ALK: variants seen among roughly 807,000 people sequenced by gnomAD.
ALK encodes the protein ALK tyrosine kinase receptor.
Under a neutral mutation model 163.1 loss-of-function variants are expected in ALK, and 74 were observed. The observed-to-expected ratio is 0.45, with a 90% CI of 0.38 to 0.55. The LOEUF (loss-of-function observed/expected upper bound fraction) is 0.55. Among genes scored for constraint, ALK ranks in the 20% least tolerant of loss-of-function variants. The pLI, the probability that ALK is intolerant of heterozygous loss-of-function variation, is 0.00. For synonymous variants in ALK, 960 were observed against 843.2 expected, an observed-to-expected ratio of 1.14 and a Z score of -2.40; for missense variants, 2,063 against 2,105.3, an observed-to-expected ratio of 0.98 and a Z score of 0.39.
intron 3 of ALK, among the ~76,000 whole-genome samples, chr2:29,617,099 G>A (rs905161207): frequency 5.3e-5 from 8 of 152,080 alleles, no homozygotes; most frequent in Admixed American, 3.9e-4. Flanking sequence ...AGCACCTTAG[G>A]TCCATGCTGG....
chr2:29,202,286 C>A (rs1057441467), intron 26 of ALK, among the ~76,000 whole-genome samples: 1 of 152,212 alleles, frequency 6.6e-6, no homozygotes, highest in Non-Finnish European at 1.5e-5. Flanking sequence ...CCCCCGCCCA[C>A]CTTTGCCAAA....
intron 3 of ALK, among the ~76,000 whole-genome samples, chr2:29,690,838 A>T (rs1678374778): frequency 6.6e-6 from 1 of 152,176 alleles, no homozygotes; most frequent in Non-Finnish European, 1.5e-5. Flanking sequence ...TTGCAATAGC[A>T]TCTAAATACT....
At chr2:29,910,804 T>C (rs1667680558) in intron 1 of ALK, among the ~76,000 whole-genome samples, 1 of 152,162 alleles carries the variant, frequency 6.6e-6, no homozygotes, top group African/African-American at 2.4e-5. Flanking sequence ...TGAGATAATT[T>C]AAATACAGAA....
At chr2:29,482,458 T>A (rs1671685329) in intron 4 of ALK, among the ~76,000 whole-genome samples, 1 of 152,004 alleles carries the variant, frequency 6.6e-6, no homozygotes, top group African/African-American at 2.4e-5. Context: ...GGAGGAGGTA[T>A]CAAATTAGGT....
intron 5 of ALK, among the ~76,000 whole-genome samples, chr2:29,357,659 A>G (rs1439237274): frequency 2.6e-5 from 4 of 152,186 alleles, no homozygotes; most frequent in Admixed American, 6.5e-5. Flanking sequence ...GTCCATTGGA[A>G]TATTCCTGGT....
intron 24 of ALK, among the ~76,000 whole-genome samples, chr2:29,212,766 G>A (rs998185515): frequency 6.6e-6 from 1 of 151,874 alleles, no homozygotes; most frequent in African/African-American, 2.4e-5. Context: ...GAGTGCAATG[G>A]CACGATCTCA....
intron 12 of ALK, among the ~76,000 whole-genome samples, chr2:29,243,791 AAAC>A (rs1664583713): frequency 1.3e-5 from 2 of 152,224 alleles, no homozygotes; most frequent in African/African-American, 2.4e-5. Context: ...GATGGTTGAG[AAAC>A]AACAAGAAAT....
chr2:29,493,435 T>G (rs1198217385), intron 4 of ALK, among the ~76,000 whole-genome samples: 1 of 152,176 alleles, frequency 6.6e-6, no homozygotes, highest in Non-Finnish European at 1.5e-5. Flanking sequence ...CATAACAGAA[T>G]GAGCTGTCTG....
chr2:29,858,381 G>A (rs1472756194), intron 1 of ALK, among the ~76,000 whole-genome samples: 4 of 152,046 alleles, frequency 2.6e-5, no homozygotes, highest in Non-Finnish European at 5.9e-5. Context: ...AGACACAAAA[G>A]TGGAACCACC....
intron 1 of ALK, among the ~76,000 whole-genome samples, chr2:29,892,972 A>T (rs1036381451): frequency 6.6e-6 from 1 of 152,080 alleles, no homozygotes; most frequent in South Asian, 2.1e-4. Flanking sequence ...AGCCTGGCCA[A>T]CCCAGCTTTA....
At chr2:29,539,141 C>T (rs1200445893) in intron 3 of ALK, among the ~76,000 whole-genome samples, 3 of 151,974 alleles carry the variant, frequency 2.0e-5, no homozygotes, top group African/African-American at 4.8e-5. Flanking sequence ...TAGGTTGATG[C>T]TAAGTGTGGA....
At chr2:29,751,556 T>C (rs892383470) in intron 1 of ALK, among the ~76,000 whole-genome samples, 1 of 152,172 alleles carries the variant, frequency 6.6e-6, no homozygotes, top group Non-Finnish European at 1.5e-5. Context: ...TCCCAAGTAA[T>C]AACTGCACTT....
chr2:29,366,465 C>A (rs1668510767), intron 5 of ALK, among the ~76,000 whole-genome samples: 1 of 151,964 alleles, frequency 6.6e-6, no homozygotes, highest in African/African-American at 2.4e-5. Context: ...CATAGGAGAG[C>A]TTTGAGGGTC....
rs1224008199 is a variant in ALK at position 29,411,954 on chromosome 2, G to A, written c.1155-28095C>T. Among the ~76,000 whole-genome samples, 6 of 152,222 alleles carry A rather than the reference G, an allele frequency of 3.9e-5. No homozygotes were observed. In the South Asian group the frequency reaches 6.2e-4, roughly 16 times the overall value. ...ACTCTTTGGTGACACCAGCCCAAGC[G>A]CAAGCAAGTTTCTTGATGCAGTCTT... On this transcript the variant is annotated intron_variant, in intron 4 of 28. Coordinates refer to ENST00000389048, the MANE Select transcript of ALK (RefSeq NM_004304.5).
At chr2:29,479,799 G>A (rs12714282) in intron 4 of ALK, among the ~76,000 whole-genome samples, 47,919 of 151,820 alleles carry the variant, frequency 0.32, 8,213 homozygotes, top group African/African-American at 0.44. Context: ...TGCTCTGGCA[G>A]TGACCTTGGC....
At chr2:29,671,127 T>C (rs1677672979) in intron 3 of ALK, among the ~76,000 whole-genome samples, 1 of 152,058 alleles carries the variant, frequency 6.6e-6, no homozygotes, top group Non-Finnish European at 1.5e-5. Context: ...CTCTCTGGCC[T>C]GTTTTGTTTT....
intron 3 of ALK, among the ~76,000 whole-genome samples, chr2:29,558,010 T>C (rs1321388660): frequency 7.2e-5 from 11 of 152,202 alleles, no homozygotes; most frequent in African/African-American, 2.7e-4. Context: ...TGGCCAGTGA[T>C]GTCTACACTG....
intron 3 of ALK, among the ~76,000 whole-genome samples, chr2:29,558,289 T>C (rs1184860457): frequency 6.6e-6 from 1 of 152,238 alleles, no homozygotes; most frequent in African/African-American, 2.4e-5. Context: ...TCTGGTTTCA[T>C]GCTGATATAT....
At chr2:29,723,264 C>T (rs1051955404) in intron 1 of ALK, among the ~76,000 whole-genome samples, 1 of 152,178 alleles carries the variant, frequency 6.6e-6, no homozygotes, top group Non-Finnish European at 1.5e-5. Flanking sequence ...ACATTCCCAC[C>T]CCAGGGCCTT....
Sources: gnomAD v4.1 joint callset for allele counts (sites outside exome capture counted in the v4.1 genomes callset) on GRCh38, gnomAD v4.1.1 for gene constraint, MANE v1.5 for transcripts, NCBI Gene and HGNC (gene_info 2026-07-23, HGNC 2026-07-21) for gene names.